Variants in IARS1 observed in about 807,000 individuals in gnomAD.
IARS1 encodes isoleucyl-tRNA synthetase 1.
In IARS1, 124 loss-of-function variants were observed where a neutral mutation model predicts 168.2. The observed-to-expected ratio is 0.74, with a 90% confidence interval of 0.64 to 0.86. The LOEUF is 0.86. Among genes scored for constraint, IARS1 ranks in the 40% least tolerant of loss-of-function variants. The probability of loss-of-function intolerance (pLI) is 0.00; values close to 1 mark genes in which losing one functional copy is unlikely to be tolerated. For missense variants in IARS1, 1,452 were observed against 1,515.8 expected, an observed-to-expected ratio of 0.96 and a Z score of 0.70; for synonymous variants, 532 against 529.4, an observed-to-expected ratio of 1.00 and a Z score of -0.07.
In IARS1 at chr9:92,263,065, A is replaced by G; in HGVS notation, c.1701-10T>C. ...CAGCAGGGTATAAAACCTGAAAAAA[A>G]ACCCCAAACAGTTCAATAAAAATAG... On this transcript the variant is annotated splice_polypyrimidine_tract_variant and intron_variant, in intron 16 of 33. Coordinates refer to ENST00000443024, the MANE Select transcript of IARS1 (RefSeq NM_002161.6). 6.3e-7 allele frequency: 1 copy of G among 1,595,168 alleles called. No homozygotes were observed. Among genetic ancestry groups the G allele is most frequent in the Non-Finnish European group, 8.6e-7 (1 of 1,163,060 alleles).
intron 14 of IARS1, 149 bp downstream of exon 14, chr9:92,268,025 T>TCATG: frequency 1.2e-6 from 1 of 826,522 alleles, no homozygotes; most frequent in Non-Finnish European, 1.8e-6. Context: ...TTATCTTATG[T>TCATG]CATGATTCTA....
At chr9:92,273,753 C>T (rs1833416178) in intron 10 of IARS1, among the ~76,000 whole-genome samples, 1 of 152,250 alleles carries the variant, frequency 6.6e-6, no homozygotes, top group Non-Finnish European at 1.5e-5. Flanking sequence ...GGGCAGACTA[C>T]TGCCACTGCC....
chr9:92,254,952 G>A (rs1830515539), intron 20 of IARS1, among the ~76,000 whole-genome samples: 1 of 152,204 alleles, frequency 6.6e-6, no homozygotes, highest in Non-Finnish European at 1.5e-5. Flanking sequence ...CTTCACAGGA[G>A]GTCATGGCAG....
At chr9:92,273,861 A>G (rs769026479) in intron 10 of IARS1, among the ~76,000 whole-genome samples, 1 of 152,244 alleles carries the variant, frequency 6.6e-6, no homozygotes, top group Non-Finnish European at 1.5e-5. Context: ...ACACCATGCT[A>G]CAGAGGAGGC....
At chr9:92,271,264 G>T (rs377095338) in intron 11 of IARS1, among the ~76,000 whole-genome samples, 188 bp from the exon 12 acceptor site, 1 of 151,892 alleles carries the variant, frequency 6.6e-6, no homozygotes, top group Non-Finnish European at 1.5e-5. Flanking sequence ...AAAGTTTTTC[G>T]ATCTGAAATG....
At chr9:92,234,806 T>C (rs1241602893) in intron 30 of IARS1, among the ~76,000 whole-genome samples, 2 of 151,416 alleles carry the variant, frequency 1.3e-5, no homozygotes, top group Non-Finnish European at 2.9e-5. Flanking sequence ...AAGATCAATA[T>C]GGTGATCCCA....
chr9:92,211,775 CAG>C (rs1297798706), intron 33 of IARS1, among the ~76,000 whole-genome samples: 2 of 152,126 alleles, frequency 1.3e-5, no homozygotes, highest in African/African-American at 4.8e-5. Flanking sequence ...ATTTGAAGAA[CAG>C]CTATTTTCTA....
In IARS1 at chr9:92,250,771, C is replaced by A. The variant is rs1829904704; in HGVS notation, c.2371G>T (p.Val791Phe). ...AGTGTGTCCTTGTCCTGAACAGAAA[C>A]AGGGTCAATCAGCACCTTTAGATTC... ...YQNLKVLIDP[V>F]SVQDKDTLSI... Residue 791 changes from valine (V) to phenylalanine (F), a missense_variant, in exon 23 of 34, where the codon GTT becomes TTT. Physicochemically the swap from Val to Phe is conservative, Grantham distance 50. Transcript: ENST00000443024. 6.2e-7 allele frequency: 1 copy of A among 1,613,588 alleles called. No homozygotes were observed. The highest frequency in any genetic ancestry group is 1.3e-5 in the African/African-American group (1 of 74,898).
At chr9:92,286,450 A>G in intron 5 of IARS1, 86 bp downstream of exon 5, 2 of 702,096 alleles carry the variant, frequency 2.8e-6, no homozygotes, top group Non-Finnish European at 4.9e-6. Context: ...ACTCAAAAAT[A>G]AACTGATTCA....
At position 92,236,073 on chromosome 9, in the gene IARS1, C is replaced by T. The variant is rs934146153; in HGVS notation, c.3283+4783G>A. On this transcript the variant is annotated intron_variant, in intron 30 of 33. Coordinates refer to ENST00000443024, the MANE Select transcript of IARS1 (RefSeq NM_002161.6). ...TCTCAGCTCACTGCAACCTCTGCCT[C>T]CCAGGTTACAGCAATTCTCCTGCCT... Among the ~76,000 whole-genome samples, 3 of 152,002 alleles carry T rather than the reference C, an allele frequency of 2.0e-5. No individual in the cohort carries two copies. In the South Asian group the frequency reaches 6.2e-4, roughly 32 times the overall value.
At position 92,258,887 on chromosome 9, in the gene IARS1, G is replaced by A; in HGVS notation, c.1983C>T (p.Arg661=). 6.2e-6 allele frequency: 10 copies of A among 1,613,128 alleles called. No homozygotes were observed. The highest frequency in any genetic ancestry group is 8.5e-6 in the Non-Finnish European group (10 of 1,179,718). ...DVLLPWYNAY[R]FLIQNVLRLQ... The stretch of plus-strand genomic sequence containing the variant: ...GCCTCAGAACGTTCTGGATTAAGAA[G>A]CGATAGGCATTGTACCATGGGAGCA... Residue 661 remains arginine, a synonymous_variant, in exon 19 of 34, where the codon CGC becomes CGT. Transcript: ENST00000443024.
chr9:92,257,900 A>G (rs956216908), intron 19 of IARS1, among the ~76,000 whole-genome samples: 1 of 152,214 alleles, frequency 6.6e-6, no homozygotes, highest in African/African-American at 2.4e-5. Context: ...AACATGTTCA[A>G]TGAAGGTGAT....
chr9:92,290,824 GA>G (rs1411147875), intron 1 of IARS1, among the ~76,000 whole-genome samples: 1 of 151,978 alleles, frequency 6.6e-6, no homozygotes, highest in Non-Finnish European at 1.5e-5. Flanking sequence ...AAGTAGTTAA[GA>G]ATTTTCTTAC....
intron 33 of IARS1, among the ~76,000 whole-genome samples, chr9:92,215,180 A>C (rs1017384399): frequency 1.3e-5 from 2 of 152,196 alleles, no homozygotes; most frequent in African/African-American, 4.8e-5. Context: ...CTCACACGGC[A>C]GGGTATTCCA....
intron 9 of IARS1, among the ~76,000 whole-genome samples, chr9:92,275,838 C>T (rs188145009): frequency 3.3e-5 from 5 of 152,296 alleles, no homozygotes; most frequent in African/African-American, 9.6e-5. Context: ...CTGGGTCAAA[C>T]GATTTATAGT....
At chr9:92,257,341 C>G (rs886390047) in intron 19 of IARS1, among the ~76,000 whole-genome samples, 1 of 152,186 alleles carries the variant, frequency 6.6e-6, no homozygotes, top group African/African-American at 2.4e-5. Flanking sequence ...ACCAGGCTAG[C>G]GGGGCAGTGA....
intron 6 of IARS1, among the ~76,000 whole-genome samples, chr9:92,284,953 C>T (rs149719616): frequency 2.1e-4 from 32 of 152,202 alleles, no homozygotes; most frequent in African/African-American, 6.7e-4. Flanking sequence ...TCATACCTGC[C>T]TTACAAGGAT....
intron 26 of IARS1, 47 bp from the exon 27 acceptor site, chr9:92,245,118 A>T: frequency 6.8e-7 from 1 of 1,475,038 alleles, no homozygotes; most frequent in Non-Finnish European, 9.5e-7. Flanking sequence ...CTCCTCTTCA[A>T]GCTGCCCCAC....
chr9:92,225,466 T>C (rs921352923), intron 31 of IARS1, among the ~76,000 whole-genome samples: 5 of 152,100 alleles, frequency 3.3e-5, no homozygotes, highest in African/African-American at 1.2e-4. Flanking sequence ...ATGGCTCAGC[T>C]AGAAGAGAAA....
Sources: gnomAD v4.1 joint callset for allele counts (sites outside exome capture counted in the v4.1 genomes callset) on GRCh38, gnomAD v4.1.1 for gene constraint, MANE v1.5 for transcripts, NCBI Gene and HGNC (gene_info 2026-07-23, HGNC 2026-07-21) for gene names.